Variants in ARHGAP35 observed in about 807,000 individuals in gnomAD.
ARHGAP35 encodes Rho GTPase activating protein 35, also known as rho GTPase-activating protein 35.
A neutral mutation model predicts 111.1 loss-of-function variants in ARHGAP35; 15 were observed. The observed-to-expected ratio is 0.13, with a 90% CI of 0.09 to 0.21. ARHGAP35 has a LOEUF of 0.21. Ranked by LOEUF, ARHGAP35 falls within the 10% of genes least tolerant of loss-of-function variation. The probability of loss-of-function intolerance (pLI) is 1.00; values close to 1 mark genes in which losing one functional copy is unlikely to be tolerated. For synonymous variants in ARHGAP35, 643 were observed against 710.3 expected, an observed-to-expected ratio of 0.91 and a Z score of 1.51; for missense variants, 1,262 against 1,873.0, an observed-to-expected ratio of 0.67 and a Z score of 6.02.
intron 1 of ARHGAP35, among the ~76,000 whole-genome samples, chr19:46,905,436 C>T (rs374969526): frequency 1.1e-4 from 17 of 150,138 alleles, no homozygotes; most frequent in Non-Finnish European, 1.5e-4. Flanking sequence ...AGTGCAGTGG[C>T]GCGATCTTGG....
At chr19:46,996,437 A>AGCCCTG (rs2056707892) in intron 5 of ARHGAP35, among the ~76,000 whole-genome samples, 2 of 138,516 alleles carry the variant, frequency 1.4e-5, no homozygotes, top group Non-Finnish European at 3.1e-5. Flanking sequence ...TGTAACTCCC[A>AGCCCTG]CCCCTGCCCC....
chr19:46,887,484 C>CTT, intron 1 of ARHGAP35, among the ~76,000 whole-genome samples: 1 of 152,204 alleles, frequency 6.6e-6, no homozygotes, highest in East Asian at 1.9e-4. Context: ...ACATCTGCAG[C>CTT]TTTTTTGTAT....
At chr19:46,953,536 A>G (rs1338821453) in intron 3 of ARHGAP35, among the ~76,000 whole-genome samples, 1 of 152,162 alleles carries the variant, frequency 6.6e-6, no homozygotes, top group African/African-American at 2.4e-5. Context: ...GCCTTTGCTT[A>G]ATAAAATAAC....
intron 2 of ARHGAP35, among the ~76,000 whole-genome samples, chr19:46,923,689 CG>C (rs2056220674): frequency 6.6e-6 from 1 of 151,660 alleles, no homozygotes; most frequent in Admixed American, 6.6e-5. Flanking sequence ...GAGGCCGAGG[CG>C]GGTGGATCTC....
chr19:46,871,489 C>T (rs1300589934), intron 1 of ARHGAP35, among the ~76,000 whole-genome samples: 3 of 151,872 alleles, frequency 2.0e-5, no homozygotes, highest in South Asian at 2.1e-4. Context: ...ATTACAGGTG[C>T]GTGCCACCAC....
In ARHGAP35 at chr19:46,992,735, T is replaced by C. The variant is rs1001236495; in HGVS notation, c.4036+3060T>C. Among the ~76,000 whole-genome samples the C allele has an allele frequency of 9.2e-5, 14 of 152,178 alleles. No homozygotes were observed. Among genetic ancestry groups the C allele is most frequent in the African/African-American group, 3.4e-4 (14 of 41,448 alleles). On this transcript the variant is annotated intron_variant, in intron 5 of 6. Transcript: ENST00000672722. The surrounding 1 kb of genome is among the most constrained non-coding windows in gnomAD (Gnocchi z 4.4). ...CTCACAAAATTCAGTCTTTTTAATT[T>C]AAGGAGAGACCAGTCATTTTCATCA...
At chr19:46,907,693 G>A (rs979274428) in intron 1 of ARHGAP35, among the ~76,000 whole-genome samples, 6 of 151,128 alleles carry the variant, frequency 4.0e-5, no homozygotes, top group African/African-American at 1.5e-4. Context: ...TAGCCAGGAT[G>A]GTCTCCATCT....
chr19:46,876,445 C>T (rs2055922122), intron 1 of ARHGAP35, among the ~76,000 whole-genome samples: 1 of 151,836 alleles, frequency 6.6e-6, no homozygotes, highest in Admixed American at 6.6e-5. Flanking sequence ...ACAATCTCGG[C>T]TCACTGCAGC....
intron 1 of ARHGAP35, among the ~76,000 whole-genome samples, chr19:46,867,245 G>A (rs1264277723): frequency 6.6e-6 from 1 of 152,092 alleles, no homozygotes; most frequent in East Asian, 1.9e-4. Flanking sequence ...TTCCTTTATT[G>A]AAACGAACAT....
At chr19:46,997,179 C>T (rs1170504468) in intron 5 of ARHGAP35, among the ~76,000 whole-genome samples, 1 of 152,016 alleles carries the variant, frequency 6.6e-6, no homozygotes, top group Non-Finnish European at 1.5e-5. Flanking sequence ...AAAGAAAGTG[C>T]CCTTGAGGTG....
chr19:46,881,502 A>G (rs2055962412), intron 1 of ARHGAP35, among the ~76,000 whole-genome samples: 3 of 152,180 alleles, frequency 2.0e-5, no homozygotes, highest in Non-Finnish European at 4.4e-5. Flanking sequence ...TGCCTTGTCA[A>G]TGAGCAGTAA....
At chr19:46,898,196 C>T (rs556454181) in intron 1 of ARHGAP35, among the ~76,000 whole-genome samples, 4 of 150,806 alleles carry the variant, frequency 2.7e-5, no homozygotes, top group East Asian at 1.9e-4. Flanking sequence ...GAGCCGAGAT[C>T]GCGCCACTGC....
chr19:46,873,534 A>G (rs2055899076), intron 1 of ARHGAP35, among the ~76,000 whole-genome samples: 1 of 150,576 alleles, frequency 6.6e-6, no homozygotes, highest in South Asian at 2.1e-4. Flanking sequence ...GCTACTTGGG[A>G]GGCTGCGGCA....
rs143790467 is a variant in ARHGAP35, at chr19:46,951,599, C to A, written c.3826+14191C>A. On this transcript the variant is annotated intron_variant, in intron 3 of 6. Transcript: ENST00000672722. ...CCATAAAATGGGGATAATGATGGTA[C>A]TTTGAGTCATGAGATGATTCAGTAT... 2.0e-4 allele frequency among the ~76,000 whole-genome samples: 30 copies of A among 152,290 alleles called. No homozygotes were observed. The East Asian group carries it at 4.4e-3, about 23-fold the overall frequency.
intron 3 of ARHGAP35, among the ~76,000 whole-genome samples, chr19:46,981,208 C>A (rs2056618689): frequency 1.3e-5 from 2 of 152,334 alleles, no homozygotes; most frequent in South Asian, 2.1e-4. Flanking sequence ...TGCAGTTTAG[C>A]CTGCCTTAGA....
intron 3 of ARHGAP35, among the ~76,000 whole-genome samples, chr19:46,960,938 A>G (rs1452521122): frequency 1.4e-5 from 2 of 143,342 alleles, no homozygotes; most frequent in African/African-American, 5.3e-5. Context: ...CCTGTCCCCT[A>G]GGCTGGAGTG....
At chr19:46,917,281 A>G (rs558641059) in intron 1 of ARHGAP35, among the ~76,000 whole-genome samples, 3 of 152,190 alleles carry the variant, frequency 2.0e-5, no homozygotes, top group Non-Finnish European at 4.4e-5. Context: ...CACAATCAAG[A>G]TTCAGCCATG....
intron 3 of ARHGAP35, among the ~76,000 whole-genome samples, chr19:46,944,361 T>C (rs2056366506): frequency 6.6e-6 from 1 of 151,816 alleles, no homozygotes; most frequent in Non-Finnish European, 1.5e-5. Context: ...ATTATAGATA[T>C]GTAGGACAGA....
At position 47,003,041 on chromosome 19, in the gene ARHGAP35, A is replaced by G. The variant is rs2056756378; in HGVS notation, c.*2353A>G. ...CAGCTTATGTCCAAAGGGAGCCCCC[A>G]TGCACAGGAAGCCACAGGGTTCCTC... On this transcript the variant is annotated 3_prime_UTR_variant, in exon 7 of 7. Coordinates refer to ENST00000672722, the MANE Select transcript of ARHGAP35 (RefSeq NM_004491.5). The G allele has an allele frequency of 6.6e-6, 1 of 152,374 alleles. No homozygotes were observed. The highest frequency in any genetic ancestry group is 2.1e-4 in the South Asian group (1 of 4,832). 9.4% of individuals were successfully genotyped at this position (152,374 alleles called of 1,614,324 possible).
Sources: allele counts gnomAD v4.1 joint callset (sites outside exome capture counted in the v4.1 genomes callset), GRCh38; gene constraint gnomAD v4.1.1; non-coding constraint Gnocchi (gnomAD v3.1); transcripts MANE v1.5; gene names NCBI Gene and HGNC (gene_info 2026-07-23, HGNC 2026-07-21).